Variants in SLC25A26 observed in about 807,000 individuals in gnomAD.
SLC25A26 encodes the protein solute carrier family 25 member 26, also known as mitochondrial S-adenosylmethionine carrier protein.
A neutral mutation model predicts 37.8 loss-of-function variants in SLC25A26; 36 were observed. That is an observed-to-expected ratio of 0.95 (90% confidence interval 0.73 to 1.26). The LOEUF is 1.26. Ranked by LOEUF, SLC25A26 falls within the 50% of genes most tolerant of loss-of-function variation. The pLI, the probability that SLC25A26 is intolerant of heterozygous loss-of-function variation, is 0.00. For missense variants in SLC25A26, 390 were observed against 331.1 expected (o/e 1.18, Z -1.38); for synonymous variants, 129 against 122.5 (o/e 1.05, Z -0.35).
intron 5 of SLC25A26, among the ~76,000 whole-genome samples, chr3:66,275,186 A>C (rs567900961): frequency 2.1e-5 from 3 of 143,232 alleles, no homozygotes; most frequent in African/African-American, 7.8e-5. Context: ...TCACTCATAG[A>C]TGGGAATTGA....
chr3:66,189,132 T>A (rs951124519), intron 1 of SLC25A26, among the ~76,000 whole-genome samples: 3 of 152,074 alleles, frequency 2.0e-5, no homozygotes, highest in Admixed American at 1.3e-4. Flanking sequence ...GGCCTTGAAC[T>A]TCATTCATAC....
At chr3:66,256,430 C>CT (rs970297265) in intron 3 of SLC25A26, among the ~76,000 whole-genome samples, 1 of 151,912 alleles carries the variant, frequency 6.6e-6, no homozygotes, top group African/African-American at 2.4e-5. Context: ...ATAATAAATA[C>CT]TTTTTTCCTT....
chr3:66,201,203 A>G (rs1402990570), intron 1 of SLC25A26, among the ~76,000 whole-genome samples: 1 of 151,786 alleles, frequency 6.6e-6, no homozygotes, highest in Non-Finnish European at 1.5e-5. Context: ...AATGGTAATG[A>G]TTGTTTATAT....
chr3:66,358,767 C>T (rs2076632997), intron 6 of SLC25A26, among the ~76,000 whole-genome samples: 1 of 152,212 alleles, frequency 6.6e-6, no homozygotes, highest in Non-Finnish European at 1.5e-5. Flanking sequence ...GCTAGAATTA[C>T]AGGCGTGAGC....
At chr3:66,372,731 A>G (rs920834617) in intron 9 of SLC25A26, among the ~76,000 whole-genome samples, 18 of 152,196 alleles carry the variant, frequency 1.2e-4, no homozygotes, top group African/African-American at 4.3e-4. Flanking sequence ...TTTGACTAAA[A>G]AACAGTCACA....
chr3:66,206,574 T>C (rs2071180324), intron 1 of SLC25A26, among the ~76,000 whole-genome samples: 1 of 152,202 alleles, frequency 6.6e-6, no homozygotes, highest in South Asian at 2.1e-4. Flanking sequence ...GAAAATCCTC[T>C]TTTGAAGGGT....
chr3:66,219,611 A>C (rs2071415459), upstream of SLC25A26, among the ~76,000 whole-genome samples: 1 of 152,128 alleles, frequency 6.6e-6, no homozygotes, highest in Admixed American at 6.5e-5. Context: ...CAAAATTAGG[A>C]GGCTTGGAAG....
At chr3:66,371,033 A>G (rs140757956) in intron 9 of SLC25A26, among the ~76,000 whole-genome samples, 20 of 152,370 alleles carry the variant, frequency 1.3e-4, no homozygotes, top group East Asian at 5.8e-4. Flanking sequence ...TGACTCCACT[A>G]TTAGCATCAA....
intron 6 of SLC25A26, among the ~76,000 whole-genome samples, chr3:66,353,409 C>T (rs888386288): frequency 2.6e-5 from 4 of 152,184 alleles, no homozygotes; most frequent in African/African-American, 7.2e-5. Context: ...AGAGTTTGAA[C>T]GCCTTGCCCA....
chr3:66,313,701 T>G (rs1054264390), intron 5 of SLC25A26, among the ~76,000 whole-genome samples: 11 of 152,206 alleles, frequency 7.2e-5, no homozygotes, highest in African/African-American at 2.7e-4. Context: ...ATCTATAAAT[T>G]ACTTAGGGTG....
intron 1 of SLC25A26, among the ~76,000 whole-genome samples, chr3:66,166,508 A>G (rs2070426848): frequency 6.6e-6 from 1 of 152,236 alleles, no homozygotes; most frequent in African/African-American, 2.4e-5. Flanking sequence ...TCATTGTGTT[A>G]CTGTACAATT....
chr3:66,370,192 C>A (rs1017053468), intron 8 of SLC25A26, among the ~76,000 whole-genome samples: 1 of 152,214 alleles, frequency 6.6e-6, no homozygotes, highest in Admixed American at 6.5e-5. Context: ...ATGCAGGTTT[C>A]ATAGTTGTAC....
intron 1 of SLC25A26, among the ~76,000 whole-genome samples, chr3:66,171,024 C>T (rs938157196): frequency 2.0e-5 from 3 of 151,430 alleles, no homozygotes; most frequent in South Asian, 4.2e-4. Flanking sequence ...GGGATGGTCT[C>T]GATCTCCTGA....
In SLC25A26 at chr3:66,177,160, G is replaced by A. The variant is rs558997033; in HGVS notation, c.-354+43176G>A. On this transcript the variant is annotated intron_variant, in intron 1 of 10. Transcript: ENST00000676754. ...AAAAGAAAGGCCATCTGGGTTGAGG[G>A]AATGGGCAGTTAACTGGGTTCACTG... 2.0e-5 allele frequency among the ~76,000 whole-genome samples: 3 copies of A among 152,332 alleles called. No individual in the cohort carries two copies. The South Asian group carries it at 6.2e-4, about 32-fold the overall frequency.
At chr3:66,169,731 C>T (rs1430149682) in intron 1 of SLC25A26, among the ~76,000 whole-genome samples, 2 of 152,168 alleles carry the variant, frequency 1.3e-5, no homozygotes, top group African/African-American at 4.8e-5. Flanking sequence ...TGCAACTTCA[C>T]ATACTAGCAT....
At chr3:66,159,919 G>C (rs1164327850) in intron 1 of SLC25A26, among the ~76,000 whole-genome samples, 1 of 152,162 alleles carries the variant, frequency 6.6e-6, no homozygotes, top group Non-Finnish European at 1.5e-5. Context: ...GAGAAGGGTA[G>C]TAAGTGATGA....
intron 3 of SLC25A26, among the ~76,000 whole-genome samples, chr3:66,244,230 A>G (rs1284293327): frequency 3.3e-5 from 5 of 152,224 alleles, no homozygotes; most frequent in African/African-American, 1.2e-4. Flanking sequence ...ACGTAAGGCA[A>G]AAAACAAAGA....
chr3:66,188,122 T>A (rs2070865860), intron 1 of SLC25A26, among the ~76,000 whole-genome samples: 1 of 152,072 alleles, frequency 6.6e-6, no homozygotes, highest in African/African-American at 2.4e-5. Flanking sequence ...ATACAAACCC[T>A]AACCTGAACC....
chr3:66,295,198 G>A (rs1199562172), intron 5 of SLC25A26, among the ~76,000 whole-genome samples: 1 of 151,914 alleles, frequency 6.6e-6, no homozygotes, highest in Non-Finnish European at 1.5e-5. Context: ...TTGCCAACTT[G>A]GATGGCCTTT....
Sources: gnomAD v4.1 joint callset for allele counts (sites outside exome capture counted in the v4.1 genomes callset) on GRCh38, gnomAD v4.1.1 for gene constraint, MANE v1.5 for transcripts, NCBI Gene and HGNC (gene_info 2026-07-23, HGNC 2026-07-21) for gene names.